Variants in SPOCK1 observed in about 807,000 individuals in gnomAD.
SPOCK1 encodes testican-1.
In SPOCK1, 23 loss-of-function variants were observed where a neutral mutation model predicts 55.3. The observed-to-expected ratio is 0.42, with a 90% confidence interval of 0.30 to 0.59. The LOEUF is 0.59. Among genes scored for constraint, SPOCK1 ranks in the 20% least tolerant of loss-of-function variants. The probability of loss-of-function intolerance (pLI) is 0.22; values close to 1 mark genes in which losing one functional copy is unlikely to be tolerated. For synonymous variants in SPOCK1, 226 were observed against 221.0 expected, an observed-to-expected ratio of 1.02 and a Z score of -0.20; for missense variants, 499 against 552.5, an observed-to-expected ratio of 0.90 and a Z score of 0.97.
At chr5:137,199,985 G>A (rs755840294) in intron 3 of SPOCK1, among the ~76,000 whole-genome samples, 4 of 152,084 alleles carry the variant, frequency 2.6e-5, no homozygotes, top group East Asian at 1.9e-4. Context: ...GCATCTTCTC[G>A]CCTCTGGCAT....
chr5:137,183,494 A>G (rs143216053), intron 3 of SPOCK1, among the ~76,000 whole-genome samples: 19 of 152,334 alleles, frequency 1.2e-4, no homozygotes, highest in Non-Finnish European at 2.5e-4. Flanking sequence ...TCTCAAATCC[A>G]ACTTCACAAC....
intron 6 of SPOCK1, among the ~76,000 whole-genome samples, chr5:136,997,767 T>C (rs1016964703): frequency 6.6e-6 from 1 of 152,234 alleles, no homozygotes; most frequent in Admixed American, 6.5e-5. Context: ...TTGAGATTTC[T>C]CTTTTCTATG....
At chr5:137,219,567 G>GA (rs756608256) in intron 3 of SPOCK1, among the ~76,000 whole-genome samples, 58 of 152,248 alleles carry the variant, frequency 3.8e-4, no homozygotes, top group Non-Finnish European at 7.5e-4. Flanking sequence ...CAAATGAATA[G>GA]AAGCTCAAAA....
chr5:137,216,868 G>GCTGA (rs1193590806), intron 3 of SPOCK1, among the ~76,000 whole-genome samples: 3 of 152,210 alleles, frequency 2.0e-5, no homozygotes, highest in Non-Finnish European at 4.4e-5. Flanking sequence ...TGATCTTTTG[G>GCTGA]CTGACTTTCA....
At chr5:137,160,600 T>TTATATATA (rs1754524029) in intron 3 of SPOCK1, among the ~76,000 whole-genome samples, 1 of 58,794 alleles carries the variant, frequency 1.7e-5, no homozygotes, top group African/African-American at 8.5e-5. Flanking sequence ...TATAATATAT[T>TTATATATA]ATATATAATA....
Position 137,357,944 on chromosome 5 carries a change from G to A in SPOCK1, c.187-90889C>T, listed in dbSNP as rs148989805. Among the ~76,000 whole-genome samples the A allele has an allele frequency of 4.1e-4, 63 of 151,972 alleles. 1 individual carries two copies. The highest frequency in any genetic ancestry group is 3.4e-3 in the Middle Eastern group (1 of 294). ...CCTTATGGATCTTCCTAGGAATCAAGAAATCATTGCCAGGCTCACTTCACC... is the reference window on the plus strand; with the variant it reads ...CCTTATGGATCTTCCTAGGAATCAAAAAATCATTGCCAGGCTCACTTCACC... On this transcript the variant is annotated intron_variant, in intron 2 of 10. Coordinates refer to ENST00000394945, the MANE Select transcript of SPOCK1 (RefSeq NM_004598.4).
intron 5 of SPOCK1, among the ~76,000 whole-genome samples, chr5:137,102,737 G>A (rs1753293814): frequency 1.3e-5 from 2 of 152,112 alleles, no homozygotes; most frequent in Non-Finnish European, 2.9e-5. Context: ...GAAAAAAGTT[G>A]TATAGCTTCA....
chr5:137,301,636 C>CTTTTTTT (rs34828127), intron 2 of SPOCK1, among the ~76,000 whole-genome samples: 9 of 129,786 alleles, frequency 6.9e-5, no homozygotes, highest in African/African-American at 2.7e-4. Context: ...ATTTCGTCTC[C>CTTTTTTT]TTTTTTTTTT....
At chr5:137,161,879 T>C (rs1754564337) in intron 3 of SPOCK1, among the ~76,000 whole-genome samples, 1 of 152,158 alleles carries the variant, frequency 6.6e-6, no homozygotes, top group African/African-American at 2.4e-5. Flanking sequence ...AAGAATAAGA[T>C]CCAATAGCTG....
intron 2 of SPOCK1, among the ~76,000 whole-genome samples, chr5:137,485,273 G>A (rs756133139): frequency 3.4e-4 from 52 of 152,214 alleles, no homozygotes; most frequent in South Asian, 4.1e-4. Flanking sequence ...ACCAACCATT[G>A]TATCTTTAAC....
intron 6 of SPOCK1, among the ~76,000 whole-genome samples, chr5:137,041,851 G>T (rs929514523): frequency 1.6e-4 from 24 of 152,154 alleles, no homozygotes; most frequent in African/African-American, 5.6e-4. Context: ...ATTTATTGCT[G>T]CTGGAAATGC....
At chr5:137,004,005 C>T (rs1327366131) in intron 6 of SPOCK1, among the ~76,000 whole-genome samples, 1 of 152,056 alleles carries the variant, frequency 6.6e-6, no homozygotes, top group Non-Finnish European at 1.5e-5. Flanking sequence ...CTTTTAATTC[C>T]CCCCACTACT....
At chr5:137,330,039 C>T (rs1445868228) in intron 2 of SPOCK1, among the ~76,000 whole-genome samples, 1 of 152,166 alleles carries the variant, frequency 6.6e-6, no homozygotes, top group Non-Finnish European at 1.5e-5. Context: ...GACCTGAGAC[C>T]TCACTCTGCT....
intron 5 of SPOCK1, among the ~76,000 whole-genome samples, chr5:137,101,058 C>G (rs1753254778): frequency 6.6e-6 from 1 of 152,170 alleles, no homozygotes. Flanking sequence ...CTTCACTGAG[C>G]CCTACCTACA....
At chr5:137,277,049 C>A (rs1341744052) in intron 2 of SPOCK1, among the ~76,000 whole-genome samples, 1 of 152,042 alleles carries the variant, frequency 6.6e-6, no homozygotes, top group Non-Finnish European at 1.5e-5. Flanking sequence ...CAGGGTCTTG[C>A]CATCACTCAG....
At chr5:137,290,403 A>G (rs971042771) in intron 2 of SPOCK1, among the ~76,000 whole-genome samples, 39 of 152,214 alleles carry the variant, frequency 2.6e-4, no homozygotes, top group African/African-American at 9.4e-4. Context: ...CAAAACTAAC[A>G]TATGATGAAA....
Position 136,992,523 on chromosome 5 carries a change from T to C in SPOCK1, c.667A>G (p.Arg223Gly), listed in dbSNP as rs144777015. The C allele has an allele frequency of 3.6e-4, 589 of 1,613,844 alleles. No individual in the cohort carries two copies. The highest frequency in any genetic ancestry group is 4.9e-4 in the Non-Finnish European group (573 of 1,179,916). ...WFGALHEDAN[R>G]VIKPTSSNTA... ...TTGGAGCTGGTGGGCTTGATGACTC[T>C]GTTCGCATCCTCGTGGAGAGCTCCA... is the stretch of plus-strand genomic sequence containing the variant. Residue 223 changes from arginine (R) to glycine (G), a missense_variant, in exon 7 of 11, where the codon AGA (arginine) becomes GGA (glycine). Coordinates refer to ENST00000394945, the MANE Select transcript of SPOCK1 (RefSeq NM_004598.4).
intron 2 of SPOCK1, among the ~76,000 whole-genome samples, chr5:137,353,506 C>T (rs1242591574): frequency 6.6e-6 from 1 of 152,176 alleles, no homozygotes; most frequent in African/African-American, 2.4e-5. Flanking sequence ...CCACACCTGC[C>T]ACCACACACC....
In SPOCK1 at chr5:137,154,765, A is replaced by G. The variant is rs377077853; in HGVS notation, c.233-14071T>C. On this transcript the variant is annotated intron_variant, in intron 3 of 10. Transcript: ENST00000394945. The stretch of plus-strand genomic sequence containing the variant: ...TTCAACACAGGGTTCTTAAGTGACC[A>G]TTGCTCAGAGTGCCAAAGCTAAAGG... Among the ~76,000 whole-genome samples the G allele has an allele frequency of 2.6e-4, 39 of 152,338 alleles. 1 individual carries two copies. The South Asian group carries it at 7.2e-3, about 28-fold the overall frequency.
Sources: allele counts gnomAD v4.1 joint callset (sites outside exome capture counted in the v4.1 genomes callset), GRCh38; gene constraint gnomAD v4.1.1; transcripts MANE v1.5; gene names NCBI Gene and HGNC (gene_info 2026-07-23, HGNC 2026-07-21).